The following RUBCN variants were observed in gnomAD, a reference collection of about 807,000 sequenced individuals.
RUBCN encodes run domain Beclin-1-interacting and cysteine-rich domain-containing protein.
In RUBCN, 74 loss-of-function variants were observed where a neutral mutation model predicts 113.2. The ratio of observed to expected loss-of-function variants is 0.65; its 90% CI spans 0.54 to 0.79. The LOEUF is 0.79. Among genes scored for constraint, RUBCN ranks in the 30% least tolerant of loss-of-function variants. RUBCN has a pLI of 0.00. For synonymous variants in RUBCN, 480 were observed against 490.0 expected (o/e 0.98, Z 0.27); for missense variants, 1,109 against 1,251.7 (o/e 0.89, Z 1.72).
In RUBCN at chr3:197,700,638, G is replaced by T. The variant is rs766309903; in HGVS notation, c.1236C>A (p.Thr412=). 5.6e-6 allele frequency: 9 copies of T among 1,614,134 alleles called. No individual in the cohort carries two copies. In the Admixed American group the frequency reaches 1.5e-4, roughly 27 times the overall value. Residue 412 remains threonine, a synonymous_variant, in exon 7 of 20, where the codon ACC becomes ACA. Transcript: ENST00000296343. ...CTGGAGCTCCCCTGGAGGCAATGCT[G>T]GTATCCGAATGGGAGCGAATGTGGC... ...KKSHIRSHSD[T]SIASRGAPES...
upstream of RUBCN, chr3:197,737,012 C>T: frequency 8.9e-7 from 1 of 1,124,030 alleles, no homozygotes; most frequent in Non-Finnish European, 1.1e-6. Flanking sequence ...GACCGCGCCC[C>T]TCCAACGGCA....
intron 1 of RUBCN, among the ~76,000 whole-genome samples, chr3:197,732,870 T>TG (rs981048197): frequency 3.3e-5 from 5 of 152,174 alleles, no homozygotes; most frequent in African/African-American, 9.7e-5. Flanking sequence ...AACAGTCACT[T>TG]GTGGGGGAGA....
intron 16 of RUBCN, 152 bp downstream of exon 16, chr3:197,680,977 C>T: frequency 3.3e-6 from 2 of 598,786 alleles, no homozygotes; most frequent in Admixed American, 2.3e-5. Flanking sequence ...CCTATATAAC[C>T]AGGGGAGGGG....
chr3:197,677,660 G>A (rs1720599632), intron 16 of RUBCN, 119 bp from the exon 17 acceptor site: 12 of 852,638 alleles, frequency 1.4e-5, no homozygotes, highest in Non-Finnish European at 2.4e-5. Context: ...TGCACCCAGA[G>A]CAGACTGTCC....
At chr3:197,679,421 A>G (rs1241219338) in intron 16 of RUBCN, among the ~76,000 whole-genome samples, 93 of 139,202 alleles carry the variant, frequency 6.7e-4, no homozygotes, top group African/African-American at 2.7e-3. Flanking sequence ...CCTACGCTCT[A>G]ACTGACAACT....
chr3:197,738,752 T>G (rs1415034848), upstream of RUBCN, among the ~76,000 whole-genome samples: 3 of 120,190 alleles, frequency 2.5e-5, no homozygotes, highest in South Asian at 2.4e-4. Flanking sequence ...AGCTAATTTG[T>G]TTTTTTTTTT....
At chr3:197,728,767 C>CTA (rs1319815706) in intron 1 of RUBCN, among the ~76,000 whole-genome samples, 2 of 152,164 alleles carry the variant, frequency 1.3e-5, no homozygotes, top group African/African-American at 4.8e-5. Context: ...CATAACCATG[C>CTA]TATGAAGGGA....
rs956318498 is a variant in RUBCN, at chr3:197,670,457, T to C, written c.*4561A>G. On this transcript the variant is annotated 3_prime_UTR_variant, in exon 20 of 20. Coordinates refer to ENST00000296343, the MANE Select transcript of RUBCN (RefSeq NM_014687.4). Reference sequence around the variant, plus strand: ...TCCTCTTCAACAGTCTTTCCAATTTTGGAATATGATCATCTAAAATCTAAG... The same window carrying C: ...TCCTCTTCAACAGTCTTTCCAATTTCGGAATATGATCATCTAAAATCTAAG... Among the ~76,000 whole-genome samples, 2 of 152,236 alleles carry C rather than the reference T, an allele frequency of 1.3e-5. No individual in the cohort carries two copies. Among genetic ancestry groups the C allele is most frequent in the Non-Finnish European group, 2.9e-5 (2 of 68,048 alleles).
chr3:197,736,674 G>T lies in RUBCN; in HGVS notation c.46C>A (p.Arg16Ser), dbSNP rs1479165379. 3.3e-6 allele frequency: 5 copies of T among 1,532,184 alleles called. No individual in the cohort carries two copies. Among genetic ancestry groups the T allele is most frequent in the Non-Finnish European group, 4.4e-6 (5 of 1,146,036 alleles). The allele number at this position is 1,532,184 out of a possible 1,614,324, so 94.9% of individuals were successfully genotyped here. The change falls in exon 1 of 20, where the codon CGC becomes AGC. Residue 16 changes from arginine (R) to serine (S), a missense_variant. By Grantham distance (110) the Arg-to-Ser change is moderately radical. Coordinates refer to ENST00000296343, the MANE Select transcript of RUBCN (RefSeq NM_014687.4). ...AGMELGGGEE[R>S]LPEESRREHW... The stretch of plus-strand genomic sequence containing the variant: ...GCCCACCTGCTCTCCTCAGGCAGGC[G>T]CTCCTCGCCGCCTCCGAGCTCCATT...
In RUBCN at chr3:197,701,823, G is replaced by C; in HGVS notation, c.612C>G (p.Ser204Arg). 6.2e-7 allele frequency: 1 copy of C among 1,614,200 alleles called. No homozygotes were observed. Among genetic ancestry groups the C allele is most frequent in the South Asian group, 1.1e-5 (1 of 91,086 alleles). Residue 204 changes from serine to arginine, a missense_variant, in exon 6 of 20, where the codon AGC becomes AGG. By Grantham distance (110) the Ser-to-Arg change is moderately radical. Transcript: ENST00000296343. ...KHESPLLVTK[S>R]QSLTALPSST... ...AACTGGGCAGGGCTGTCAGGCTCTG[G>C]CTCTTTGTCACCAGGAGCGGGCTCT... is the stretch of plus-strand genomic sequence containing the variant.
intron 2 of RUBCN, among the ~76,000 whole-genome samples, chr3:197,706,293 ATTG>A (rs760825811): frequency 1.1e-4 from 17 of 152,140 alleles, no homozygotes; most frequent in African/African-American, 2.7e-4. Context: ...TAACAACCCA[ATTG>A]TTGTTTTTCG....
intron 11 of RUBCN, among the ~76,000 whole-genome samples, chr3:197,685,571 A>G (rs745706870): frequency 1.3e-5 from 2 of 152,216 alleles, no homozygotes; most frequent in Non-Finnish European, 2.9e-5. Context: ...CATATACTCA[A>G]ATAACATTGT....
intron 1 of RUBCN, among the ~76,000 whole-genome samples, chr3:197,731,447 C>G (rs937559765): frequency 6.6e-6 from 1 of 152,272 alleles, no homozygotes; most frequent in Non-Finnish European, 1.5e-5. Flanking sequence ...CCCCACCTTT[C>G]CCCCGTTTCT....
rs1265435341 is a variant in RUBCN at position 197,722,474 on chromosome 3, T to C, written c.66-4344A>G. Among the ~76,000 whole-genome samples, 3 of 151,980 alleles carry C rather than the reference T, an allele frequency of 2.0e-5. No individual in the cohort carries two copies. In the South Asian group the frequency reaches 6.2e-4, roughly 32 times the overall value. On this transcript the variant is annotated intron_variant, in intron 1 of 19. Transcript: ENST00000296343. The stretch of plus-strand genomic sequence containing the variant: ...CTGCTGTTTCTTTGTTGATTTTCTG[T>C]CTGCATGATCTGTCCATTGCTGAAA...
chr3:197,686,401 G>A (rs760456790), intron 11 of RUBCN, among the ~76,000 whole-genome samples: 21 of 152,336 alleles, frequency 1.4e-4, no homozygotes, highest in Non-Finnish European at 2.4e-4. Context: ...GTCCAAGAGT[G>A]GGGAGGGGCC....
intron 7 of RUBCN, 95 bp downstream of exon 7, chr3:197,700,518 T>C: frequency 8.2e-7 from 1 of 1,219,856 alleles, no homozygotes; most frequent in South Asian, 1.2e-5. Context: ...AAACAGAACA[T>C]CTCTTTCTGC....
In RUBCN at chr3:197,700,123, C is replaced by T. The variant is rs1012072422; in HGVS notation, c.1261+490G>A. On this transcript the variant is annotated intron_variant, in intron 7 of 19. Coordinates refer to ENST00000296343, the MANE Select transcript of RUBCN (RefSeq NM_014687.4). Reference sequence around the variant, plus strand: ...CACCCTGAATCAGTGATGCGGCCGTCAGCCCCACCGACTCAGTTGCTGGAT... The same window carrying T: ...CACCCTGAATCAGTGATGCGGCCGTTAGCCCCACCGACTCAGTTGCTGGAT... 4.6e-5 allele frequency among the ~76,000 whole-genome samples: 7 copies of T among 152,222 alleles called. No homozygotes were observed. In the East Asian group the frequency reaches 1.3e-3, roughly 29 times the overall value.
chr3:197,746,733 G>A (rs561004246), intron 1 of RUBCN, among the ~76,000 whole-genome samples: 142 of 152,258 alleles, frequency 9.3e-4, no homozygotes, highest in African/African-American at 3.1e-3. Flanking sequence ...TCTACATTGT[G>A]TGAAACGAAG....
Position 197,683,135 on chromosome 3 carries a change from G to A in RUBCN, c.1980+172C>T, listed in dbSNP as rs1014614543. On this transcript the variant is annotated intron_variant, in intron 13 of 19. Coordinates refer to ENST00000296343, the MANE Select transcript of RUBCN (RefSeq NM_014687.4). This position sits in a 1 kb window ranked among gnomAD's most constrained non-coding sequence, Gnocchi z 4.6. ...GCGCCGTCATCTCTGCTCTGACAAG[G>A]TGAGCAAGCATTCACTCGTTCATTT... Among the ~76,000 whole-genome samples the A allele has an allele frequency of 6.6e-6, 1 of 152,258 alleles. No individual in the cohort carries two copies. Among genetic ancestry groups the A allele is most frequent in the Non-Finnish European group, 1.5e-5 (1 of 68,046 alleles).
Sources: gnomAD v4.1 joint callset for allele counts (sites outside exome capture counted in the v4.1 genomes callset) on GRCh38, gnomAD v4.1.1 for gene constraint, Gnocchi (gnomAD v3.1) non-coding constraint, MANE v1.5 for transcripts, NCBI Gene and HGNC (gene_info 2026-07-23, HGNC 2026-07-21) for gene names.